Variants in ANKRD24 observed in about 807,000 individuals in gnomAD.
The protein encoded by ANKRD24 is ankyrin repeat domain-containing protein 24.
ANKRD24 carries 109 observed loss-of-function variants against 127.8 expected under a neutral mutation model. The observed-to-expected ratio is 0.85, with a 90% CI of 0.73 to 1.00. The LOEUF is 1.00. Ranked by LOEUF, ANKRD24 falls within the 50% of genes least tolerant of loss-of-function variation. ANKRD24 has a pLI of 0.00. For synonymous variants in ANKRD24, 743 were observed against 671.1 expected, an observed-to-expected ratio of 1.11 and a Z score of -1.66; for missense variants, 1,648 against 1,570.2, an observed-to-expected ratio of 1.05 and a Z score of -0.84.
chr19:4,203,003 T>G, intron 7 of ANKRD24, 77 bp downstream of exon 7: 410 of 1,198,812 alleles, frequency 3.4e-4, no homozygotes, highest in Non-Finnish European at 4.3e-4. Context: ...CCCAGGGCCC[T>G]AGGGACCTGA....
At position 4,224,390 on chromosome 19, in the gene ANKRD24, G is replaced by A. The variant is rs752810406; in HGVS notation, c.3364-38G>A. The A allele has an allele frequency of 6.9e-6, 11 of 1,600,356 alleles. No individual in the cohort carries two copies. In the South Asian group the frequency reaches 7.8e-5, roughly 11 times the overall value. On this transcript the variant is annotated intron_variant, in intron 21 of 21. Coordinates refer to ENST00000318934, the MANE Select transcript of ANKRD24 (RefSeq NM_001393985.1). ...GGAGGGACTTGGGGCAGCCATGGAGGGTATACTCAGGGTCTTCCTCTACTC... is the reference window on the plus strand; with the variant it reads ...GGAGGGACTTGGGGCAGCCATGGAGAGTATACTCAGGGTCTTCCTCTACTC...
At chr19:4,206,937 A>T (rs1347777776) in intron 7 of ANKRD24, among the ~76,000 whole-genome samples, 1 of 151,588 alleles carries the variant, frequency 6.6e-6, no homozygotes, top group East Asian at 1.9e-4. Flanking sequence ...ACAAGATCTC[A>T]CTCTGTCACC....
chr19:4,219,209 C>T (rs1417886188), intron 18 of ANKRD24, among the ~76,000 whole-genome samples: 1 of 152,052 alleles, frequency 6.6e-6, no homozygotes, highest in Non-Finnish European at 1.5e-5. Context: ...TCGCTTGAAC[C>T]CGGGAAGTGG....
intron 2 of ANKRD24, among the ~76,000 whole-genome samples, chr19:4,186,980 T>G (rs1242778634): frequency 6.6e-6 from 1 of 151,964 alleles, no homozygotes; most frequent in Non-Finnish European, 1.5e-5. Context: ...TAAGTGACAA[T>G]GTGTATTTTG....
chr19:4,209,159 G>A (rs1165388562), intron 11 of ANKRD24, among the ~76,000 whole-genome samples: 3 of 152,082 alleles, frequency 2.0e-5, no homozygotes, highest in Non-Finnish European at 4.4e-5. Flanking sequence ...CGCCCAGGCT[G>A]GAGTACAGTG....
rs1366264689 is a variant in ANKRD24 at position 4,223,399 on chromosome 19, ATATTTT to A, written c.3297+606_3297+611del. 8.5e-4 allele frequency among the ~76,000 whole-genome samples: 48 copies of A among 56,348 alleles called. No homozygotes were observed. The South Asian group carries it at 0.013, about 15-fold the overall frequency. The allele number at this position is 56,348 out of a possible 152,430, so 37.0% of individuals were successfully genotyped here. On this transcript the variant is annotated intron_variant, in intron 20 of 21. Transcript: ENST00000318934. ...TATATATATATATATATATATATAT[ATATTTT>A]TTTTTTTTTTTTTTTGAGCCAGTCT...
intron 2 of ANKRD24, among the ~76,000 whole-genome samples, chr19:4,192,166 G>T (rs1968421684): frequency 6.6e-6 from 1 of 151,922 alleles, no homozygotes; most frequent in South Asian, 2.1e-4. Context: ...GTGGGCCTCA[G>T]TGTTTCCATC....
In ANKRD24 at chr19:4,222,778, T is replaced by G. The variant is rs1274610330; in HGVS notation, c.3280T>G (p.Leu1094Val). 6.2e-7 allele frequency: 1 copy of G among 1,608,768 alleles called. No individual in the cohort carries two copies. The highest frequency in any genetic ancestry group is 1.3e-5 in the African/African-American group (1 of 74,792). ...GGCTCTCCGTGACCAGGTGAAGGAT[T>G]TACAGCAGCAGCTGCAGGTAAGGAC... The part of the protein sequence containing the change: ...VEALRDQVKD[L>V]QQQLQEAARD... Residue 1094 changes from leucine (L) to valine (V), a missense_variant, in exon 20 of 22, where the codon TTA (leucine) becomes GTA (valine). Coordinates refer to ENST00000318934, the MANE Select transcript of ANKRD24 (RefSeq NM_001393985.1).
chr19:4,210,312 G>C lies in ANKRD24; in HGVS notation c.999G>C (p.Arg333Ser). ...YEEIVRLRQE[R>S]GRLLQKIRGL... ...AGATCGTGAGGCTGCGGCAGGAGAG[G>C]GGCCGCCTCCTGCAGAAGATCCGGG... The change falls in exon 13 of 22, where the codon AGG (arginine) becomes AGC (serine). Residue 333 changes from arginine to serine, a missense_variant. Arg to Ser is a moderately radical substitution (Grantham distance 110). Transcript: ENST00000318934. The C allele has an allele frequency of 6.3e-7, 1 of 1,585,390 alleles. No homozygotes were observed. The highest frequency in any genetic ancestry group is 8.6e-7 in the Non-Finnish European group (1 of 1,166,596).
At position 4,182,757 on chromosome 19, in the gene ANKRD24, G is replaced by C; in HGVS notation, c.-37+17G>C. 2.0e-6 allele frequency: 2 copies of C among 985,410 alleles called. No individual in the cohort carries two copies. The highest frequency in any genetic ancestry group is 9.4e-5 in the South Asian group (2 of 21,286). 61.0% of individuals were successfully genotyped at this position (985,410 alleles called of 1,614,324 possible). A position where few individuals can be genotyped will look rare whatever the true frequency, so the allele number is the denominator to read the frequency against. On this transcript the variant is annotated intron_variant, in intron 1 of 21. Transcript: ENST00000318934. ...TGCATGCAGGTGTTTGCGGGGCTTG[G>C]GAAGGGGCTCCCCGATGACCCGGGC...
chr19:4,199,326 C>T lies in ANKRD24; in HGVS notation c.37-357C>T, dbSNP rs1232810041. The stretch of plus-strand genomic sequence containing the variant: ...AAAATTCCTGGGCTCAAATGATCCT[C>T]CCACCTCAGCCTCCCAAGCAGCTAC... On this transcript the variant is annotated intron_variant, in intron 2 of 21. Coordinates refer to ENST00000318934, the MANE Select transcript of ANKRD24 (RefSeq NM_001393985.1). This position sits in a 1 kb window ranked among gnomAD's most constrained non-coding sequence, Gnocchi z 5.2. 6.6e-6 allele frequency among the ~76,000 whole-genome samples: 1 copy of T among 152,132 alleles called. No individual in the cohort carries two copies. Among genetic ancestry groups the T allele is most frequent in the Non-Finnish European group, 1.5e-5 (1 of 68,022 alleles).
chr19:4,216,228 C>A, intron 16 of ANKRD24, 56 bp from the exon 17 acceptor site: 2 of 1,503,930 alleles, frequency 1.3e-6, no homozygotes, highest in South Asian at 1.2e-5. Flanking sequence ...CAGCCCCCCA[C>A]CTCCTGTCCC....
Position 4,198,665 on chromosome 19 carries a change from G to A in ANKRD24, c.37-1018G>A. ...GAAAGATGGTCGGCGGCGGGGGGTGGGGGGGAACAGAGGTTGGGGCAGCTT... is the reference window on the plus strand; with the variant it reads ...GAAAGATGGTCGGCGGCGGGGGGTGAGGGGGAACAGAGGTTGGGGCAGCTT... On this transcript the variant is annotated intron_variant, in intron 2 of 21. Transcript: ENST00000318934. The surrounding 1 kb of genome is among the most constrained non-coding windows in gnomAD (Gnocchi z 6.1). The A allele has an allele frequency of 7.4e-6, 3 of 403,006 alleles. No individual in the cohort carries two copies. The highest frequency in any genetic ancestry group is 8.8e-6 in the Non-Finnish European group (2 of 227,516). 25.0% of individuals were successfully genotyped at this position (403,006 alleles called of 1,614,324 possible).
Position 4,200,081 on chromosome 19 carries a change from A to C in ANKRD24, c.255-2A>C, listed in dbSNP as rs768125887. The C allele has an allele frequency of 2.5e-6, 4 of 1,586,208 alleles. No individual in the cohort carries two copies. The highest frequency in any genetic ancestry group is 3.4e-6 in the Non-Finnish European group (4 of 1,165,944). ...GGCTGAACCCTTGTCTCTCACCTCC[A>C]GGTTCCACCTGGCGGCCATGCGGGG... On this transcript the variant is annotated splice_acceptor_variant, in intron 4 of 21. Coordinates refer to ENST00000318934, the MANE Select transcript of ANKRD24 (RefSeq NM_001393985.1). LOFTEE classifies it high-confidence loss of function.
At position 4,198,539 on chromosome 19, in the gene ANKRD24, C is replaced by T; in HGVS notation, c.37-1144C>T. ...CGCAGCCGCCTCCTTCGCGGTAGGG[C>T]CCGGGGAGGGGGCGCAGGAGCGGGC... On this transcript the variant is annotated intron_variant, in intron 2 of 21. Coordinates refer to ENST00000318934, the MANE Select transcript of ANKRD24 (RefSeq NM_001393985.1). This position sits in a 1 kb window ranked among gnomAD's most constrained non-coding sequence, Gnocchi z 6.1. The T allele has an allele frequency of 1.7e-6, 1 of 573,782 alleles. No homozygotes were observed. Among genetic ancestry groups the T allele is most frequent in the East Asian group, 3.4e-5 (1 of 29,194 alleles). The allele number at this position is 573,782 out of a possible 1,614,324, so 35.5% of individuals were successfully genotyped here. A position where few individuals can be genotyped will look rare whatever the true frequency, so the allele number is the denominator to read the frequency against.
chr19:4,193,055 C>A (rs995732622), intron 2 of ANKRD24, among the ~76,000 whole-genome samples: 7 of 152,028 alleles, frequency 4.6e-5, no homozygotes, highest in African/African-American at 1.7e-4. Context: ...AATCCCAGCA[C>A]TTTGGGAGGC....
chr19:4,199,660 C>A lies in ANKRD24; in HGVS notation c.37-23C>A. ...GGGACACTGTCTGAGGACCCCCTCG[C>A]CCAGGACCACCTCCCCCTGCAGCTG... On this transcript the variant is annotated intron_variant, in intron 2 of 21. Coordinates refer to ENST00000318934, the MANE Select transcript of ANKRD24 (RefSeq NM_001393985.1). The surrounding 1 kb of genome is among the most constrained non-coding windows in gnomAD (Gnocchi z 5.2). 1 of 1,518,224 alleles carries A rather than the reference C, an allele frequency of 6.6e-7. No homozygotes were observed. The highest frequency in any genetic ancestry group is 8.8e-7 in the Non-Finnish European group (1 of 1,137,772). 94.0% of individuals were successfully genotyped at this position (1,518,224 alleles called of 1,614,324 possible). A position where few individuals can be genotyped will look rare whatever the true frequency, so the allele number is the denominator to read the frequency against.
rs1337804297 is a variant in ANKRD24, at chr19:4,195,084, G to A, written c.37-4599G>A. ...TTTTTGTTTGTTTGTTTGTTTGTTT[G>A]TTTTTAGAGAGGGAGTCTCACTCTG... On this transcript the variant is annotated intron_variant, in intron 2 of 21. Transcript: ENST00000318934. This position sits in a 1 kb window ranked among gnomAD's most constrained non-coding sequence, Gnocchi z 4.2. Among the ~76,000 whole-genome samples, 3 of 151,768 alleles carry A rather than the reference G, an allele frequency of 2.0e-5. No homozygotes were observed. Among genetic ancestry groups the A allele is most frequent in the Non-Finnish European group, 4.4e-5 (3 of 67,894 alleles).
chr19:4,182,694 C>A lies in ANKRD24; in HGVS notation c.-83C>A. 1 of 1,413,890 alleles carries A rather than the reference C, an allele frequency of 7.1e-7. No homozygotes were observed. Among genetic ancestry groups the A allele is most frequent in the Non-Finnish European group, 9.2e-7 (1 of 1,082,342 alleles). 87.6% of individuals were successfully genotyped at this position (1,413,890 alleles called of 1,614,324 possible). A position where few individuals can be genotyped will look rare whatever the true frequency, so the allele number is the denominator to read the frequency against. On this transcript the variant is annotated 5_prime_UTR_variant, in exon 1 of 22. Transcript: ENST00000318934. ...ATGCGCCTCTTGCTGACGCCGCAGGCGACATGTTATCTGCTGTCAGAAGGA... is the reference window on the plus strand; with the variant it reads ...ATGCGCCTCTTGCTGACGCCGCAGGAGACATGTTATCTGCTGTCAGAAGGA...
Sources: allele counts gnomAD v4.1 joint callset (sites outside exome capture counted in the v4.1 genomes callset), GRCh38; gene constraint gnomAD v4.1.1; non-coding constraint Gnocchi (gnomAD v3.1); transcripts MANE v1.5; gene names NCBI Gene and HGNC (gene_info 2026-07-23, HGNC 2026-07-21).